Variants in TNR observed in about 807,000 individuals in gnomAD.
The protein encoded by TNR is tenascin R, also known as tenascin-R.
TNR carries 45 observed loss-of-function variants against 150.4 expected under a neutral mutation model. The ratio of observed to expected loss-of-function variants is 0.30; its 90% CI spans 0.24 to 0.38. The LOEUF is 0.38. Ranked by LOEUF, TNR falls within the 10% of genes least tolerant of loss-of-function variation. The pLI is 1.00. For missense variants in TNR, 1,544 were observed against 1,759.1 expected (o/e 0.88, Z 2.19); for synonymous variants, 687 against 678.4 (o/e 1.01, Z -0.20).
chr1:175,401,538 C>T (rs2102043672), intron 4 of TNR, among the ~76,000 whole-genome samples: 1 of 152,136 alleles, frequency 6.6e-6, no homozygotes, highest in African/African-American at 2.4e-5. Flanking sequence ...ATTCAGTAAA[C>T]AAAATTGGGA....
chr1:175,670,346 C>G lies in TNR; in HGVS notation c.-165+72880G>C, dbSNP rs139358987. On this transcript the variant is annotated intron_variant, in intron 1 of 22. Coordinates refer to ENST00000367674, the MANE Select transcript of TNR (RefSeq NM_003285.3). The stretch of plus-strand genomic sequence containing the variant: ...GGGCAGGAAGTCTGGTGGGAAGAAC[C>G]TGTTGAGTTCCTGGGACCACAGCAT... Among the ~76,000 whole-genome samples, 478 of 152,260 alleles carry G rather than the reference C, an allele frequency of 3.1e-3. 3 individuals carry two copies. The highest frequency in any genetic ancestry group is 0.011 in the African/African-American group (464 of 41,548).
intron 1 of TNR, among the ~76,000 whole-genome samples, chr1:175,668,898 A>T (rs1043379757): frequency 6.6e-6 from 1 of 152,114 alleles, no homozygotes; most frequent in Non-Finnish European, 1.5e-5. Context: ...ACAGCCTCTT[A>T]CCTCCTTGGC....
intron 2 of TNR, among the ~76,000 whole-genome samples, chr1:175,467,910 G>T (rs1334071942): frequency 6.6e-6 from 1 of 152,222 alleles, no homozygotes; most frequent in Non-Finnish European, 1.5e-5. Flanking sequence ...AATAGATTCA[G>T]CCTACTTCAT....
chr1:175,403,672 G>T (rs1194376320), intron 3 of TNR, 56 bp from the exon 4 acceptor site: 1 of 1,460,398 alleles, frequency 6.8e-7, no homozygotes, highest in Non-Finnish European at 9.4e-7. Flanking sequence ...TGTCAATGGT[G>T]CTGGGGAAGG....
intron 1 of TNR, among the ~76,000 whole-genome samples, chr1:175,683,460 C>T (rs1009840371): frequency 2.8e-4 from 43 of 152,186 alleles, no homozygotes; most frequent in African/African-American, 1.0e-3. Context: ...CACCACCATC[C>T]TTCTCCAAAA....
chr1:175,479,384 C>G (rs1321839221), intron 2 of TNR, among the ~76,000 whole-genome samples: 1 of 152,204 alleles, frequency 6.6e-6, no homozygotes, highest in African/African-American at 2.4e-5. Context: ...GCGGTATTCC[C>G]AGGGAGAGCC....
chr1:175,379,999 T>C (rs1652596690), intron 8 of TNR, among the ~76,000 whole-genome samples: 1 of 152,180 alleles, frequency 6.6e-6, no homozygotes. Flanking sequence ...AGTGGCATTC[T>C]AGAAACTTTA....
Position 175,362,739 on chromosome 1 carries a change from A to G in TNR, c.2778T>C (p.Ala926=). 1 of 1,614,136 alleles carries G rather than the reference A, an allele frequency of 6.2e-7. No homozygotes were observed. The highest frequency in any genetic ancestry group is 8.5e-7 in the Non-Finnish European group (1 of 1,179,994). Residue 926 remains alanine, a synonymous_variant, in exon 14 of 23, where the codon GCT becomes GCC. Transcript: ENST00000367674. ...TGTTGAGGCTGATTTCGTATTCGGT[A>G]GCTGGGTTCAGTCTGGTGATGGTGA... ...TEFTITRLNP[A]TEYEISLNSV... is the part of the protein sequence containing the mutation.
At chr1:175,435,528 C>T (rs1197678529) in intron 2 of TNR, among the ~76,000 whole-genome samples, 1 of 152,092 alleles carries the variant, frequency 6.6e-6, no homozygotes, top group Non-Finnish European at 1.5e-5. Context: ...CTGAGGGGAA[C>T]GTTGAATATA....
At chr1:175,562,825 A>C (rs983568777) in intron 1 of TNR, among the ~76,000 whole-genome samples, 8 of 152,228 alleles carry the variant, frequency 5.3e-5, no homozygotes, top group Admixed American at 5.2e-4. Flanking sequence ...TTTCTCTGCC[A>C]GGCTCCAAAC....
At chr1:175,372,951 G>T (rs1652172276) in intron 9 of TNR, among the ~76,000 whole-genome samples, 1 of 152,160 alleles carries the variant, frequency 6.6e-6, no homozygotes, top group African/African-American at 2.4e-5. Context: ...CAGTCAATCT[G>T]CGATTTTTAT....
At chr1:175,577,451 C>T (rs1662164829) in intron 1 of TNR, among the ~76,000 whole-genome samples, 1 of 152,184 alleles carries the variant, frequency 6.6e-6, no homozygotes, top group African/African-American at 2.4e-5. Context: ...TAACACACAA[C>T]AGACAATCAA....
At chr1:175,528,556 A>G (rs912207528) in intron 1 of TNR, among the ~76,000 whole-genome samples, 187 bp from the exon 2 acceptor site, 1 of 152,210 alleles carries the variant, frequency 6.6e-6, no homozygotes, top group Non-Finnish European at 1.5e-5. Context: ...CATTTATTTC[A>G]TTGATTTTCT....
At chr1:175,349,437 C>T (rs910988233) in intron 18 of TNR, among the ~76,000 whole-genome samples, 1 of 152,140 alleles carries the variant, frequency 6.6e-6, no homozygotes, top group African/African-American at 2.4e-5. Flanking sequence ...AGATGCATGA[C>T]AACACGGATG....
chr1:175,494,661 C>T (rs936929618), intron 2 of TNR, among the ~76,000 whole-genome samples: 2 of 152,260 alleles, frequency 1.3e-5, no homozygotes, highest in South Asian at 2.1e-4. Flanking sequence ...ATGTGCAGAG[C>T]GCTAACAAGC....
intron 1 of TNR, among the ~76,000 whole-genome samples, chr1:175,664,618 G>C (rs1482231544): frequency 6.6e-6 from 1 of 152,176 alleles, no homozygotes; most frequent in Non-Finnish European, 1.5e-5. Flanking sequence ...TAATTGCAAA[G>C]CTTCCCTAGA....
chr1:175,572,169 C>T (rs762632043), intron 1 of TNR, among the ~76,000 whole-genome samples: 13 of 152,090 alleles, frequency 8.5e-5, no homozygotes, highest in Non-Finnish European at 1.8e-4. Flanking sequence ...GAGCTCACAC[C>T]GAGGTCAGCA....
At chr1:175,682,757 G>T (rs1357098935) in intron 1 of TNR, among the ~76,000 whole-genome samples, 1 of 152,138 alleles carries the variant, frequency 6.6e-6, no homozygotes, top group Admixed American at 6.5e-5. Context: ...TTGTACCAAA[G>T]AACCTCCTCA....
intron 2 of TNR, among the ~76,000 whole-genome samples, chr1:175,417,350 G>C (rs1282249924): frequency 6.6e-6 from 1 of 152,070 alleles, no homozygotes; most frequent in Non-Finnish European, 1.5e-5. Flanking sequence ...AGAGGGGGCG[G>C]CAAAGGGTAT....
Sources: allele counts gnomAD v4.1 joint callset (sites outside exome capture counted in the v4.1 genomes callset), GRCh38; gene constraint gnomAD v4.1.1; transcripts MANE v1.5; gene names NCBI Gene and HGNC (gene_info 2026-07-23, HGNC 2026-07-21).